The following SMCO4 variants were observed in gnomAD, a reference collection of about 807,000 sequenced individuals.
SMCO4 encodes the protein single-pass membrane protein with coiled-coil domains 4.
In SMCO4, 4 loss-of-function variants were observed where a neutral mutation model predicts 3.6. The observed-to-expected ratio is 1.11, with a 90% CI of 0.54 to 2.53. The LOEUF (loss-of-function observed/expected upper bound fraction) is 2.53. SMCO4 is among the 30% of genes most tolerant of loss of function. The pLI is 0.02. For synonymous variants in SMCO4, 36 were observed against 35.3 expected (o/e 1.02, Z -0.07); for missense variants, 70 against 80.8 (o/e 0.87, Z 0.51).
intron 1 of SMCO4, among the ~76,000 whole-genome samples, chr11:93,522,177 A>G (rs1967993): frequency 0.11 from 16,128 of 152,210 alleles, 1,041 homozygotes; most frequent in East Asian, 0.31. Flanking sequence ...TTGGATTTGT[A>G]TCGCTGAATA....
chr11:93,498,801 T>C (rs1242050242), intron 2 of SMCO4, among the ~76,000 whole-genome samples: 1 of 152,108 alleles, frequency 6.6e-6, no homozygotes, highest in African/African-American at 2.4e-5. Flanking sequence ...GCAGGCCTCT[T>C]GTGGAGAGGC....
intron 1 of SMCO4, among the ~76,000 whole-genome samples, chr11:93,504,575 A>C (rs1565379983): frequency 6.6e-6 from 1 of 152,196 alleles, no homozygotes; most frequent in Non-Finnish European, 1.5e-5. Context: ...TGAAACATCA[A>C]ATCAAACACT....
At chr11:93,498,426 G>A (rs931139153) in intron 2 of SMCO4, among the ~76,000 whole-genome samples, 2 of 152,136 alleles carry the variant, frequency 1.3e-5, no homozygotes, top group African/African-American at 4.8e-5. Flanking sequence ...CAGCAGATAG[G>A]AGGGGCTACA....
chr11:93,515,643 C>T (rs964222818), intron 1 of SMCO4, among the ~76,000 whole-genome samples: 1 of 152,162 alleles, frequency 6.6e-6, no homozygotes, highest in African/African-American at 2.4e-5. Context: ...CAAGTTCCTC[C>T]TACTCCAAGC....
chr11:93,483,589 C>T (rs1456302899), intron 2 of SMCO4, among the ~76,000 whole-genome samples: 2 of 150,536 alleles, frequency 1.3e-5, no homozygotes, highest in African/African-American at 4.9e-5. Flanking sequence ...CTAGTCGAGT[C>T]CCCTGTGAGG....
chr11:93,498,667 G>A (rs1460598454), intron 2 of SMCO4, among the ~76,000 whole-genome samples: 1 of 152,198 alleles, frequency 6.6e-6, no homozygotes, highest in East Asian at 1.9e-4. Context: ...ATAGCCAAAG[G>A]ACACCTGGCG....
In SMCO4 at chr11:93,535,467, C is replaced by A. The variant is rs763918160; in HGVS notation, c.-154+7809G>T. The A allele has an allele frequency of 7.2e-6, 10 of 1,388,476 alleles. No homozygotes were observed. The African/African-American group carries it at 1.3e-4, about 18-fold the overall frequency. The allele number at this position is 1,388,476 out of a possible 1,614,324, so 86.0% of individuals were successfully genotyped here. ...AGAGGGAGTCGAGCCAGAGTCGCCG[C>A]GATGGTGTTGTTGGAGAGCGAGCAG... is the stretch of plus-strand genomic sequence containing the variant. On this transcript the variant is annotated intron_variant, in intron 1 of 2. Coordinates refer to ENST00000298966, the MANE Select transcript of SMCO4 (RefSeq NM_020179.3).
chr11:93,506,101 A>G (rs1004001980), intron 1 of SMCO4, among the ~76,000 whole-genome samples: 3 of 152,090 alleles, frequency 2.0e-5, no homozygotes, highest in African/African-American at 7.2e-5. Flanking sequence ...ATATATAAAT[A>G]TGTGTGAATA....
At chr11:93,505,801 A>G (rs74485581) in intron 1 of SMCO4, among the ~76,000 whole-genome samples, 1,858 of 152,296 alleles carry the variant, frequency 0.012, 23 homozygotes, top group African/African-American at 0.042. Flanking sequence ...AACCATGGGA[A>G]ATACTAACCT....
chr11:93,530,271 C>A (rs1949149688), intron 1 of SMCO4, among the ~76,000 whole-genome samples: 1 of 152,172 alleles, frequency 6.6e-6, no homozygotes, highest in Admixed American at 6.5e-5. Context: ...CAGCTCACAG[C>A]AGGGCAGCTA....
chr11:93,502,820 A>G (rs1157402955), intron 1 of SMCO4, among the ~76,000 whole-genome samples: 3 of 152,252 alleles, frequency 2.0e-5, no homozygotes, highest in Non-Finnish European at 4.4e-5. Context: ...ACTCTTATGC[A>G]GCCATTAAAA....
intron 1 of SMCO4, among the ~76,000 whole-genome samples, chr11:93,527,368 C>A (rs1008896085): frequency 2.0e-5 from 3 of 152,098 alleles, no homozygotes; most frequent in African/African-American, 4.8e-5. Flanking sequence ...TAAGTCTCAG[C>A]GTCCTCATTT....
chr11:93,552,449 T>TTAC, the SMCO4 span, among the ~76,000 whole-genome samples: 1 of 91,452 alleles, frequency 1.1e-5, no homozygotes, highest in African/African-American at 4.6e-5. Flanking sequence ...CACGTTATTA[T>TTAC]TATTATTATT....
At chr11:93,485,980 T>C (rs1263743093) in intron 2 of SMCO4, among the ~76,000 whole-genome samples, 1 of 152,188 alleles carries the variant, frequency 6.6e-6, no homozygotes, top group African/African-American at 2.4e-5. Flanking sequence ...AAGTACTCGT[T>C]AAGTATTTAA....
At chr11:93,481,583 T>A (rs756102087) in intron 2 of SMCO4, 18 of 938,822 alleles carry the variant, frequency 1.9e-5, no homozygotes, top group Non-Finnish European at 2.3e-5. Context: ...ATTATCCCCA[T>A]CACGGAAGGG....
chr11:93,548,949 G>A, the SMCO4 span, among the ~76,000 whole-genome samples: 314 of 152,314 alleles, frequency 2.1e-3, 5 homozygotes, highest in Non-Finnish European at 3.2e-4. Flanking sequence ...TATTTATTTG[G>A]TGTACACTCT....
At chr11:93,553,757 A>G in the SMCO4 span, among the ~76,000 whole-genome samples, 2 of 152,242 alleles carry the variant, frequency 1.3e-5, no homozygotes, top group African/African-American at 4.8e-5. Flanking sequence ...TCTTCAAAAC[A>G]TTATTCTAAG....
chr11:93,504,226 C>T (rs1466698337), intron 1 of SMCO4, among the ~76,000 whole-genome samples: 5 of 152,086 alleles, frequency 3.3e-5, no homozygotes, highest in Non-Finnish European at 5.9e-5. Flanking sequence ...TGGGAATTTC[C>T]CTAATTCAAT....
At chr11:93,529,792 G>A (rs932920915) in intron 1 of SMCO4, among the ~76,000 whole-genome samples, 2 of 152,234 alleles carry the variant, frequency 1.3e-5, no homozygotes, top group African/African-American at 4.8e-5. Context: ...GCCCGCTGAG[G>A]GCCAGCCTCC....
Sources: allele counts gnomAD v4.1 joint callset (sites outside exome capture counted in the v4.1 genomes callset), GRCh38; gene constraint gnomAD v4.1.1; transcripts MANE v1.5; gene names NCBI Gene and HGNC (gene_info 2026-07-23, HGNC 2026-07-21).